The following SNX18 variants were observed in gnomAD, a reference collection of about 807,000 sequenced individuals.
SNX18 encodes sorting nexin-18.
Under a neutral mutation model 48.7 loss-of-function variants are expected in SNX18, and 35 were observed. The ratio of observed to expected loss-of-function variants is 0.72; its 90% CI spans 0.55 to 0.95. The LOEUF is 0.95. SNX18 is among the 40% of genes least tolerant of loss of function. The pLI is 0.00. For missense variants in SNX18, 824 were observed against 871.0 expected (o/e 0.95, Z 0.68); for synonymous variants, 492 against 384.7 (o/e 1.28, Z -3.26).
chr5:54,617,106 C>T, the SNX18 span, among the ~76,000 whole-genome samples: 2 of 152,172 alleles, frequency 1.3e-5, no homozygotes, highest in African/African-American at 4.8e-5. Flanking sequence ...GTCAAAGGCC[C>T]CTTCAAAGAA....
the SNX18 span, among the ~76,000 whole-genome samples, chr5:54,577,667 A>G: frequency 2.0e-5 from 3 of 152,202 alleles, no homozygotes; most frequent in Non-Finnish European, 4.4e-5. Context: ...GCTAGAGGCT[A>G]AAGCAGATGT....
At chr5:54,622,630 A>G in the SNX18 span, among the ~76,000 whole-genome samples, 1 of 148,222 alleles carries the variant, frequency 6.7e-6, no homozygotes, top group African/African-American at 2.4e-5. Flanking sequence ...AAGTATATAT[A>G]TTAAATAAAT....
chr5:54,521,867 C>G (rs925072101), intron 1 of SNX18, among the ~76,000 whole-genome samples: 1 of 152,100 alleles, frequency 6.6e-6, no homozygotes, highest in South Asian at 2.1e-4. Flanking sequence ...CATGCCCGGC[C>G]TAGTTTATCT....
At chr5:54,622,268 G>A in the SNX18 span, among the ~76,000 whole-genome samples, 1 of 152,216 alleles carries the variant, frequency 6.6e-6, no homozygotes, top group East Asian at 1.9e-4. Context: ...GGTGGCCAAG[G>A]TCGGAGGATC....
intron 1 of SNX18, among the ~76,000 whole-genome samples, chr5:54,524,293 C>T (rs768800057): frequency 9.2e-5 from 14 of 152,168 alleles, no homozygotes; most frequent in African/African-American, 1.4e-4. Context: ...CATACCACAC[C>T]GTCAGGGGTT....
intron 1 of SNX18, among the ~76,000 whole-genome samples, chr5:54,532,718 G>A (rs912090370): frequency 1.3e-5 from 2 of 151,918 alleles, no homozygotes; most frequent in East Asian, 1.9e-4. Flanking sequence ...ATTTTATCAC[G>A]TTTAATATTC....
chr5:54,519,351 G>C lies in SNX18; in HGVS notation c.1399G>C (p.Val467Leu). The C allele has an allele frequency of 6.2e-7, 1 of 1,613,488 alleles. No individual in the cohort carries two copies. Among genetic ancestry groups the C allele is most frequent in the Non-Finnish European group, 8.5e-7 (1 of 1,179,600 alleles). Reference sequence around the variant, plus strand: ...CGGCTTCAAAAAGGAGTATCAGAAGGTGGGCCAGTCCTTCCGCGGCCTCAG... The same window carrying C: ...CGGCTTCAAAAAGGAGTATCAGAAGCTGGGCCAGTCCTTCCGCGGCCTCAG... ...VTGFKKEYQK[V>L]GQSFRGLSQA... Residue 467 changes from valine (V) to leucine (L), a missense_variant, in exon 1 of 2, where the codon GTG (valine) becomes CTG (leucine). Physicochemically the swap from Val to Leu is conservative, Grantham distance 32. Coordinates refer to ENST00000381410, the MANE Select transcript of SNX18 (RefSeq NM_001102575.2).
chr5:54,600,426 C>T, the SNX18 span, among the ~76,000 whole-genome samples: 1 of 152,240 alleles, frequency 6.6e-6, no homozygotes, highest in African/African-American at 2.4e-5. Context: ...ATGGCAATTC[C>T]TCAAAGAGCT....
At chr5:54,615,645 G>C in the SNX18 span, among the ~76,000 whole-genome samples, 22 of 152,200 alleles carry the variant, frequency 1.4e-4, no homozygotes, top group African/African-American at 5.3e-4. Context: ...GCCTATCTTG[G>C]GTATGCCACC....
the SNX18 span, among the ~76,000 whole-genome samples, chr5:54,576,144 C>T: frequency 6.6e-6 from 1 of 152,180 alleles, no homozygotes. Context: ...CGGTGCCAGA[C>T]ATCTGAGTGA....
At chr5:54,641,725 G>A in the SNX18 span, among the ~76,000 whole-genome samples, 2 of 152,174 alleles carry the variant, frequency 1.3e-5, no homozygotes, top group Non-Finnish European at 2.9e-5. Flanking sequence ...CATTGAGGAG[G>A]ACGCTTTGCT....
At chr5:54,619,448 G>T in the SNX18 span, among the ~76,000 whole-genome samples, 1 of 152,154 alleles carries the variant, frequency 6.6e-6, no homozygotes. Context: ...GGAGGTCGAG[G>T]CTGCCTTGAA....
At chr5:54,629,916 T>C in the SNX18 span, among the ~76,000 whole-genome samples, 2 of 152,218 alleles carry the variant, frequency 1.3e-5, no homozygotes, top group Non-Finnish European at 1.5e-5. Flanking sequence ...CCTTGCATTA[T>C]AGGAGGAAAA....
the SNX18 span, among the ~76,000 whole-genome samples, chr5:54,594,840 A>C: frequency 6.6e-6 from 1 of 152,168 alleles, no homozygotes; most frequent in Admixed American, 6.5e-5. Context: ...CTCTCCTTCT[A>C]GTAATCCCTA....
the SNX18 span, among the ~76,000 whole-genome samples, chr5:54,556,949 T>C: frequency 2.0e-5 from 3 of 152,242 alleles, no homozygotes; most frequent in Non-Finnish European, 2.9e-5. Flanking sequence ...AAGCCAATTG[T>C]GTTTGCCTTT....
the SNX18 span, among the ~76,000 whole-genome samples, chr5:54,571,574 G>A: frequency 6.6e-6 from 1 of 152,168 alleles, no homozygotes; most frequent in African/African-American, 2.4e-5. Context: ...GAGGACTGAC[G>A]GATTGGAATG....
the SNX18 span, among the ~76,000 whole-genome samples, chr5:54,640,859 A>C: frequency 4.1e-4 from 63 of 152,198 alleles, no homozygotes; most frequent in African/African-American, 1.4e-3. Context: ...CAGGAGCTCA[A>C]GACCGGCCTG....
the SNX18 span, among the ~76,000 whole-genome samples, chr5:54,640,278 A>C: frequency 1.3e-5 from 2 of 150,770 alleles, no homozygotes; most frequent in African/African-American, 4.9e-5. Flanking sequence ...CGGTAGCTCT[A>C]TCTCGGCTCA....
chr5:54,623,972 A>T, the SNX18 span, among the ~76,000 whole-genome samples: 2 of 152,314 alleles, frequency 1.3e-5, no homozygotes, highest in East Asian at 3.9e-4. Context: ...ACGAGTAAGC[A>T]TATCTTTTAA....
Sources: allele counts gnomAD v4.1 joint callset (sites outside exome capture counted in the v4.1 genomes callset), GRCh38; gene constraint gnomAD v4.1.1; transcripts MANE v1.5; gene names NCBI Gene and HGNC (gene_info 2026-07-23, HGNC 2026-07-21).